GTPBP2: variants seen among roughly 807,000 people sequenced by gnomAD.
The protein encoded by GTPBP2 is GTP binding protein 2, also known as GTP-binding protein 2.
GTPBP2 carries 32 observed loss-of-function variants against 63.0 expected under a neutral mutation model. The observed-to-expected ratio is 0.51, with a 90% confidence interval of 0.38 to 0.68. The LOEUF (loss-of-function observed/expected upper bound fraction) is 0.68. GTPBP2 is among the 30% of genes least tolerant of loss of function. GTPBP2 has a pLI of 0.00. For missense variants in GTPBP2, 492 were observed against 796.9 expected, an observed-to-expected ratio of 0.62 and a Z score of 4.61; for synonymous variants, 310 against 322.6, an observed-to-expected ratio of 0.96 and a Z score of 0.42.
In GTPBP2 at chr6:43,626,966, G is replaced by A; in HGVS notation, c.187-18C>T. ...TCTTCAGCCTGAAAAGAAACAGTGA[G>A]CAGTTACCATACACTGTACAGACCC... On this transcript the variant is annotated intron_variant, in intron 1 of 11. Transcript: ENST00000307126. This position sits in a 1 kb window ranked among gnomAD's most constrained non-coding sequence, Gnocchi z 4.0. 6.2e-7 allele frequency: 1 copy of A among 1,606,150 alleles called. No homozygotes were observed. The highest frequency in any genetic ancestry group is 1.3e-5 in the African/African-American group (1 of 74,868).
At chr6:43,628,579 TC>T (rs1311756706) in intron 1 of GTPBP2, 1 of 979,900 alleles carries the variant, frequency 1.0e-6, no homozygotes, top group Non-Finnish European at 1.2e-6. Flanking sequence ...TCCCGGGTAC[TC>T]CCCTTCTCCC....
In GTPBP2 at chr6:43,625,607, T is replaced by C. The variant is rs1769241533; in HGVS notation, c.508-47A>G. 6.6e-7 allele frequency: 1 copy of C among 1,513,544 alleles called. No individual in the cohort carries two copies. 93.8% of individuals were successfully genotyped at this position (1,513,544 alleles called of 1,614,324 possible). A position where few individuals can be genotyped will look rare whatever the true frequency, so the allele number is the denominator to read the frequency against. On this transcript the variant is annotated intron_variant, in intron 4 of 11. Coordinates refer to ENST00000307126, the MANE Select transcript of GTPBP2 (RefSeq NM_019096.5). This position sits in a 1 kb window ranked among gnomAD's most constrained non-coding sequence, Gnocchi z 5.1. Reference sequence around the variant, plus strand: ...TAAGAACTCCAATCTCTCACCCCTCTAACTGAAGACTGGGTCAAGGGCAGT... The same window carrying C: ...TAAGAACTCCAATCTCTCACCCCTCCAACTGAAGACTGGGTCAAGGGCAGT...
At chr6:43,627,134 A>G in intron 1 of GTPBP2, 186 bp from the exon 2 acceptor site, 1 of 639,954 alleles carries the variant, frequency 1.6e-6, no homozygotes, top group Non-Finnish European at 2.4e-6. Flanking sequence ...CATAGCCTCT[A>G]TGAAGGGAAG....
intron 9 of GTPBP2, chr6:43,623,043 G>A (rs1456821819): frequency 3.1e-5 from 16 of 522,036 alleles, no homozygotes; most frequent in Non-Finnish European, 5.1e-5. Flanking sequence ...TAACAACACC[G>A]AACACCTAAT....
At position 43,623,030 on chromosome 6, in the gene GTPBP2, G is replaced by A. The variant is rs577345118; in HGVS notation, c.1296-226C>T. Reference sequence around the variant, plus strand: ...ATGGTGGACAGAGAGACACTTGCTGGTTTAACAACACCGAACACCTAATCA... The same window carrying A: ...ATGGTGGACAGAGAGACACTTGCTGATTTAACAACACCGAACACCTAATCA... On this transcript the variant is annotated intron_variant, in intron 9 of 11. Coordinates refer to ENST00000307126, the MANE Select transcript of GTPBP2 (RefSeq NM_019096.5). 56 of 542,356 alleles carry A rather than the reference G, an allele frequency of 1.0e-4. No homozygotes were observed. In the South Asian group the frequency reaches 1.3e-3, roughly 13 times the overall value. 33.6% of individuals were successfully genotyped at this position (542,356 alleles called of 1,614,324 possible). A position where few individuals can be genotyped will look rare whatever the true frequency, so the allele number is the denominator to read the frequency against.
upstream of GTPBP2, chr6:43,629,271 G>A: frequency 1.2e-6 from 1 of 831,004 alleles, no homozygotes; most frequent in Non-Finnish European, 1.7e-6. Context: ...GAGTGGGGTG[G>A]GGCTCTGCAC....
Position 43,625,598 on chromosome 6 carries a change from T to G in GTPBP2, c.508-38A>C. On this transcript the variant is annotated intron_variant, in intron 4 of 11. Coordinates refer to ENST00000307126, the MANE Select transcript of GTPBP2 (RefSeq NM_019096.5). This position sits in a 1 kb window ranked among gnomAD's most constrained non-coding sequence, Gnocchi z 5.1. ...TGCCAGAGATAAGAACTCCAATCTC[T>G]CACCCCTCTAACTGAAGACTGGGTC... 1.3e-6 allele frequency: 2 copies of G among 1,542,194 alleles called. No individual in the cohort carries two copies. Among genetic ancestry groups the G allele is most frequent in the Non-Finnish European group, 9.0e-7 (1 of 1,114,808 alleles).
upstream of GTPBP2, chr6:43,629,632 G>A: frequency 9.1e-7 from 1 of 1,096,518 alleles, no homozygotes; most frequent in Non-Finnish European, 1.4e-6. Flanking sequence ...GGGCGCTCCG[G>A]GATTTGGCCC....
intron 1 of GTPBP2, among the ~76,000 whole-genome samples, chr6:43,627,812 C>A (rs1199317963): frequency 6.6e-6 from 1 of 152,248 alleles, no homozygotes; most frequent in African/African-American, 2.4e-5. Flanking sequence ...CTGTCTGGCT[C>A]CCAGGCCCTA....
rs1769160795 is a variant in GTPBP2, at chr6:43,624,789, G to C, written c.881-60C>G. ...GAGTGAGAATGCAGGAGGGAGGAGA[G>C]GGAAGAAGAGGAGCATTGGTCTGTC... On this transcript the variant is annotated intron_variant, in intron 6 of 11. Coordinates refer to ENST00000307126, the MANE Select transcript of GTPBP2 (RefSeq NM_019096.5). This position sits in a 1 kb window ranked among gnomAD's most constrained non-coding sequence, Gnocchi z 5.1. 6.3e-7 allele frequency: 1 copy of C among 1,583,862 alleles called. No homozygotes were observed. Among genetic ancestry groups the C allele is most frequent in the Non-Finnish European group, 8.7e-7 (1 of 1,153,546 alleles).
In GTPBP2 at chr6:43,626,433, A is replaced by G; in HGVS notation, c.214-23T>C. On this transcript the variant is annotated intron_variant, in intron 2 of 11. Coordinates refer to ENST00000307126, the MANE Select transcript of GTPBP2 (RefSeq NM_019096.5). This position sits in a 1 kb window ranked among gnomAD's most constrained non-coding sequence, Gnocchi z 4.0. ...CAACTTAGGGCAAGTGGGGTATCAT[A>G]AGGTGAAATCAGAGGTGTTCCTCCC... 1 of 1,606,644 alleles carries G rather than the reference A, an allele frequency of 6.2e-7. No individual in the cohort carries two copies. Among genetic ancestry groups the G allele is most frequent in the Non-Finnish European group, 8.5e-7 (1 of 1,173,524 alleles).
chr6:43,628,565 C>T (rs2127848197), intron 1 of GTPBP2: 1 of 984,072 alleles, frequency 1.0e-6, no homozygotes, highest in South Asian at 4.7e-5. Flanking sequence ...ACATATTGCT[C>T]TTTTCCCGGG....
chr6:43,620,745 T>G lies in GTPBP2; in HGVS notation c.*869A>C, dbSNP rs185104016. 1 of 152,870 alleles carries G rather than the reference T, an allele frequency of 6.5e-6. No homozygotes were observed. Among genetic ancestry groups the G allele is most frequent in the East Asian group, 1.9e-4 (1 of 5,172 alleles). The allele number at this position is 152,870 out of a possible 1,614,324, so 9.5% of individuals were successfully genotyped here. A position where few individuals can be genotyped will look rare whatever the true frequency, so the allele number is the denominator to read the frequency against. On this transcript the variant is annotated 3_prime_UTR_variant, in exon 12 of 12. Coordinates refer to ENST00000307126, the MANE Select transcript of GTPBP2 (RefSeq NM_019096.5). ...CACTACAAATTACTAAAACGAGGGT[T>G]TAGGTGGGGCAGGAAAGTGGGGTGA... is the stretch of plus-strand genomic sequence containing the variant.
In GTPBP2 at chr6:43,625,441, G is replaced by A; in HGVS notation, c.627C>T (p.Phe209=). The A allele has an allele frequency of 6.2e-7, 1 of 1,614,088 alleles. No individual in the cohort carries two copies. Among genetic ancestry groups the A allele is most frequent in the Non-Finnish European group, 8.5e-7 (1 of 1,180,010 alleles). The change falls in exon 5 of 12, where the codon TTC becomes TTT. Residue 209 remains phenylalanine, a synonymous_variant. Coordinates refer to ENST00000307126, the MANE Select transcript of GTPBP2 (RefSeq NM_019096.5). The surrounding 1 kb of genome is among the most constrained non-coding windows in gnomAD (Gnocchi z 5.1). ...NGRGRARLNL[F]RHLHEIQSGR... Reference sequence around the variant, plus strand: ...CAGACTGAATCTCATGCAGGTGGCGGAAAAGGTTGAGCCGAGCCCGGCCCC... The same window carrying A: ...CAGACTGAATCTCATGCAGGTGGCGAAAAAGGTTGAGCCGAGCCCGGCCCC...
At position 43,621,868 on chromosome 6, in the gene GTPBP2, A is replaced by G. The variant is rs767497224; in HGVS notation, c.1633-78T>C. On this transcript the variant is annotated intron_variant, in intron 11 of 11. Coordinates refer to ENST00000307126, the MANE Select transcript of GTPBP2 (RefSeq NM_019096.5). ...TGCCAGCCGTGGCTCTCCACCCTCC[A>G]GAGGCCTATCAGGCCGCTACCCACC... 7 of 1,609,558 alleles carry G rather than the reference A, an allele frequency of 4.3e-6. No homozygotes were observed. The African/African-American group carries it at 8.0e-5, about 18-fold the overall frequency.
intron 1 of GTPBP2, chr6:43,628,470 C>CTGTGTGTGTGTGTGTGTGTGTGTGTG (rs60906505): frequency 2.4e-6 from 1 of 421,980 alleles, no homozygotes; most frequent in Non-Finnish European, 3.1e-6. Context: ...CTGGCTTAGG[C>CTGTGTGTGTGTGTGTGTGTGTGTGTG]TGTGTGTGTG....
upstream of GTPBP2, among the ~76,000 whole-genome samples, chr6:43,630,802 G>A (rs190965436): frequency 1.3e-5 from 2 of 150,578 alleles, no homozygotes; most frequent in African/African-American, 2.5e-5. Flanking sequence ...CCAGCTGCTC[G>A]GGAGACTGAG....
Position 43,625,306 on chromosome 6 carries a change from C to T in GTPBP2, c.705+57G>A, listed in dbSNP as rs541871793. On this transcript the variant is annotated intron_variant, in intron 5 of 11. Coordinates refer to ENST00000307126, the MANE Select transcript of GTPBP2 (RefSeq NM_019096.5). The surrounding 1 kb of genome is among the most constrained non-coding windows in gnomAD (Gnocchi z 5.1). ...CTCTACCCCCATCCTATGTCCTTCACTACTACCATCCCATCCTCAGAGTCT... is the reference window on the plus strand; with the variant it reads ...CTCTACCCCCATCCTATGTCCTTCATTACTACCATCCCATCCTCAGAGTCT... 2.0e-6 allele frequency: 3 copies of T among 1,507,474 alleles called. No individual in the cohort carries two copies. The highest frequency in any genetic ancestry group is 1.7e-5 in the Admixed American group (1 of 59,806). 93.4% of individuals were successfully genotyped at this position (1,507,474 alleles called of 1,614,324 possible).
chr6:43,627,218 G>T, intron 1 of GTPBP2: 1 of 968,070 alleles, frequency 1.0e-6, no homozygotes, highest in Non-Finnish European at 1.3e-6. Flanking sequence ...TTTGATCACT[G>T]GCAGCACGTT....
Sources: gnomAD v4.1 joint callset for allele counts (sites outside exome capture counted in the v4.1 genomes callset) on GRCh38, gnomAD v4.1.1 for gene constraint, Gnocchi (gnomAD v3.1) non-coding constraint, MANE v1.5 for transcripts, NCBI Gene and HGNC (gene_info 2026-07-23, HGNC 2026-07-21) for gene names.